Variants in PCDHGA1 observed in about 807,000 individuals in gnomAD.
PCDHGA1 encodes protocadherin gamma subfamily A, 1, also known as protocadherin gamma-A1.
In PCDHGA1, 32 loss-of-function variants were observed where a neutral mutation model predicts 58.0. That is an observed-to-expected ratio of 0.55 (90% CI 0.42 to 0.74). The LOEUF is 0.74. PCDHGA1 is among the 30% of genes least tolerant of loss of function. PCDHGA1 has a pLI of 0.00. For missense variants in PCDHGA1, 1,205 were observed against 1,182.3 expected, an observed-to-expected ratio of 1.02 and a Z score of -0.28; for synonymous variants, 498 against 501.1, an observed-to-expected ratio of 0.99 and a Z score of 0.08.
At chr5:141,393,023 T>C (rs372159245) in intron 1 of PCDHGA1, 52 of 1,613,550 alleles carry the variant, frequency 3.2e-5, no homozygotes, top group Non-Finnish European at 4.3e-5. Flanking sequence ...TCTCCAGAGG[T>C]AGGACGCAGC....
intron 1 of PCDHGA1, chr5:141,426,778 C>A (rs780981970): frequency 2.2e-6 from 1 of 456,716 alleles, no homozygotes; most frequent in South Asian, 1.5e-5. Context: ...GGGCCTCACT[C>A]TCTCCAGAGT....
intron 1 of PCDHGA1, chr5:141,390,523 G>C: frequency 1.8e-6 from 1 of 556,304 alleles, no homozygotes; most frequent in Non-Finnish European, 3.1e-6. Context: ...AGCAATGAGG[G>C]TGTGGTTTTA....
chr5:141,472,254 T>C (rs1031738513), intron 1 of PCDHGA1, among the ~76,000 whole-genome samples: 1 of 152,074 alleles, frequency 6.6e-6, no homozygotes, highest in Admixed American at 6.6e-5. Context: ...TTTAAAGTTA[T>C]ATTATAGCCG....
rs1192987646 is a variant in PCDHGA1, at chr5:141,423,758, G to A, written c.2422-71049G>A. Reference sequence around the variant, plus strand: ...CTGTTATGAAAACTGTTTGGGGGGGGGGTGGGGCGGCATATATTTAGTTCA... The same window carrying A: ...CTGTTATGAAAACTGTTTGGGGGGGAGGTGGGGCGGCATATATTTAGTTCA... On this transcript the variant is annotated intron_variant, in intron 1 of 3. Coordinates refer to ENST00000517417, the MANE Select transcript of PCDHGA1 (RefSeq NM_018912.3). 8.2e-5 allele frequency: 30 copies of A among 366,770 alleles called. 3 individuals are homozygous for A. Among genetic ancestry groups the A allele is most frequent in the Non-Finnish European group, 1.1e-4 (29 of 259,742 alleles). The allele number at this position is 366,770 out of a possible 1,614,324, so 22.7% of individuals were successfully genotyped here.
rs777111805 is a variant in PCDHGA1, at chr5:141,395,298, GT to G, written c.2421+62197del. On this transcript the variant is annotated intron_variant, in intron 1 of 3. Coordinates refer to ENST00000517417, the MANE Select transcript of PCDHGA1 (RefSeq NM_018912.3). ...ATGAATTTTATTTGGCATAAATTAT[GT>G]TTTGAAAAACATTGTGAAGATAGTT... 6 of 1,522,174 alleles carry G rather than the reference GT, an allele frequency of 3.9e-6. No homozygotes were observed. The East Asian group carries it at 9.1e-5, about 23-fold the overall frequency. The allele number at this position is 1,522,174 out of a possible 1,614,324, so 94.3% of individuals were successfully genotyped here.
intron 1 of PCDHGA1, chr5:141,405,187 G>T (rs372851700): frequency 9.3e-6 from 15 of 1,613,480 alleles, no homozygotes; most frequent in Non-Finnish European, 1.3e-5. Flanking sequence ...GTGTAGATGG[G>T]GTTCGAGCTT....
chr5:141,400,515 T>C lies in PCDHGA1; in HGVS notation c.2421+67410T>C, dbSNP rs367864769. On this transcript the variant is annotated intron_variant, in intron 1 of 3. Coordinates refer to ENST00000517417, the MANE Select transcript of PCDHGA1 (RefSeq NM_018912.3). ...GTAATTCCAGCGAGTCGACTTCCCATCCTGAGTTGGTGAGTTTCATTTATG... is the reference window on the plus strand; with the variant it reads ...GTAATTCCAGCGAGTCGACTTCCCACCCTGAGTTGGTGAGTTTCATTTATG... 2,129 of 1,613,988 alleles carry C rather than the reference T, an allele frequency of 1.3e-3. 41 individuals are homozygous for C. In the South Asian group the frequency reaches 0.02, roughly 15 times the overall value.
Position 141,489,214 on chromosome 5 carries a change from T to TA in PCDHGA1, c.2422-5592dup, listed in dbSNP as rs771766565. On this transcript the variant is annotated intron_variant, in intron 1 of 3. Transcript: ENST00000517417. This position sits in a 1 kb window ranked among gnomAD's most constrained non-coding sequence, Gnocchi z 4.5. ...CCTTGGAGACAGGACAGCACAGACTTACTCTCCACAAAGGGACTTCTGGGT... is the reference window on the plus strand; with the variant it reads ...CCTTGGAGACAGGACAGCACAGACTTAACTCTCCACAAAGGGACTTCTGGGT... 216 of 1,480,534 alleles carry TA rather than the reference T, an allele frequency of 1.5e-4. 4 individuals are homozygous for TA. The South Asian group carries it at 2.1e-3, about 14-fold the overall frequency. 91.7% of individuals were successfully genotyped at this position (1,480,534 alleles called of 1,614,324 possible).
At chr5:141,384,960 T>C in intron 1 of PCDHGA1, 4 of 1,613,970 alleles carry the variant, frequency 2.5e-6, no homozygotes, top group Non-Finnish European at 3.4e-6. Flanking sequence ...CTTACAACTA[T>C]GACCTCACGT....
chr5:141,356,952 C>T (rs370594218), intron 1 of PCDHGA1: 31 of 1,614,236 alleles, frequency 1.9e-5, no homozygotes, highest in African/African-American at 1.7e-4. Flanking sequence ...CCGCAGATTC[C>T]GGCTACCTGG....
At position 141,431,159 on chromosome 5, in the gene PCDHGA1, C is replaced by T. The variant is rs1017606383; in HGVS notation, c.2422-63648C>T. Reference sequence around the variant, plus strand: ...CATTAACGACAATGCGCCTTACTTTCGTGAAAGTGAATTAGAAATAAAAAT... The same window carrying T: ...CATTAACGACAATGCGCCTTACTTTTGTGAAAGTGAATTAGAAATAAAAAT... On this transcript the variant is annotated intron_variant, in intron 1 of 3. Transcript: ENST00000517417. The surrounding 1 kb of genome is among the most constrained non-coding windows in gnomAD (Gnocchi z 4.8). 1 of 1,614,158 alleles carries T rather than the reference C, an allele frequency of 6.2e-7. No individual in the cohort carries two copies. The highest frequency in any genetic ancestry group is 1.3e-5 in the African/African-American group (1 of 75,046).
chr5:141,424,100 G>A (rs1362239131), intron 1 of PCDHGA1: 1 of 832,456 alleles, frequency 1.2e-6, no homozygotes, highest in East Asian at 1.2e-4. Flanking sequence ...TGCTATTACT[G>A]CTAATGTTCA....
intron 1 of PCDHGA1, chr5:141,339,056 G>C (rs1300379381): frequency 6.2e-7 from 1 of 1,612,114 alleles, no homozygotes; most frequent in Non-Finnish European, 8.5e-7. Flanking sequence ...GGCCAGGGCC[G>C]GGCAGATTCG....
At position 141,330,808 on chromosome 5, in the gene PCDHGA1, G is replaced by C; in HGVS notation, c.124G>C (p.Gly42Arg). The C allele has an allele frequency of 6.2e-7, 1 of 1,614,190 alleles. No homozygotes were observed. Among genetic ancestry groups the C allele is most frequent in the Non-Finnish European group, 8.5e-7 (1 of 1,180,034 alleles). ...HYSVPEETDK[G>R]SFVGNIAKDL... Reference sequence around the variant, plus strand: ...CTCAGTGCCGGAAGAGACAGACAAAGGTTCCTTCGTAGGCAACATCGCCAA... The same window carrying C: ...CTCAGTGCCGGAAGAGACAGACAAACGTTCCTTCGTAGGCAACATCGCCAA... The change falls in exon 1 of 4, where the codon GGT becomes CGT. Residue 42 changes from glycine to arginine, a missense_variant. By Grantham distance (125) the Gly-to-Arg change is moderately radical. Coordinates refer to ENST00000517417, the MANE Select transcript of PCDHGA1 (RefSeq NM_018912.3).
intron 1 of PCDHGA1, among the ~76,000 whole-genome samples, chr5:141,472,863 G>A (rs2099301197): frequency 6.7e-6 from 1 of 149,994 alleles, no homozygotes. Context: ...GCACATGCCT[G>A]TATTCCCAGC....
intron 1 of PCDHGA1, chr5:141,352,580 C>T (rs2149770096): frequency 6.2e-7 from 1 of 1,613,892 alleles, no homozygotes; most frequent in East Asian, 2.2e-5. Flanking sequence ...GGCTCCCCCT[C>T]AGGATCTGCT....
chr5:141,426,276 C>A, intron 1 of PCDHGA1: 1 of 164,340 alleles, frequency 6.1e-6, no homozygotes, highest in South Asian at 1.6e-4. Context: ...TGCAGCAACG[C>A]ATGGGAAGGA....
chr5:141,388,372 G>C (rs1040306905), intron 1 of PCDHGA1: 5 of 1,613,966 alleles, frequency 3.1e-6, no homozygotes, highest in Non-Finnish European at 4.2e-6. Context: ...GCGGATATTG[G>C]TAGCAACACA....
At chr5:141,400,279 G>C (rs1561676065) in intron 1 of PCDHGA1, 1 of 1,614,050 alleles carries the variant, frequency 6.2e-7, no homozygotes, top group African/African-American at 1.3e-5. Context: ...CTCCAGCCCT[G>C]CCGCCTGGAG....
Sources: gnomAD v4.1 joint callset for allele counts (sites outside exome capture counted in the v4.1 genomes callset) on GRCh38, gnomAD v4.1.1 for gene constraint, Gnocchi (gnomAD v3.1) non-coding constraint, MANE v1.5 for transcripts, NCBI Gene and HGNC (gene_info 2026-07-23, HGNC 2026-07-21) for gene names.